ARHGEF26: variants seen among roughly 807,000 people sequenced by gnomAD.
The protein encoded by ARHGEF26 is Rho guanine nucleotide exchange factor 26.
A neutral mutation model predicts 89.4 loss-of-function variants in ARHGEF26; 59 were observed. That is an observed-to-expected ratio of 0.66 (90% CI 0.54 to 0.82). ARHGEF26 has a LOEUF of 0.82. Ranked by LOEUF, ARHGEF26 falls within the 40% of genes least tolerant of loss-of-function variation. The pLI, the probability that ARHGEF26 is intolerant of heterozygous loss-of-function variation, is 0.00. For missense variants in ARHGEF26, 1,234 were observed against 1,085.6 expected, an observed-to-expected ratio of 1.14 and a Z score of -1.92; for synonymous variants, 500 against 428.4, an observed-to-expected ratio of 1.17 and a Z score of -2.06.
intron 7 of ARHGEF26, among the ~76,000 whole-genome samples, chr3:154,190,392 C>G (rs889961717): frequency 6.6e-6 from 1 of 152,122 alleles, no homozygotes; most frequent in African/African-American, 2.4e-5. Context: ...ACCTGTAATC[C>G]CAGTTACTTG....
rs750466066 is a variant in ARHGEF26 at position 154,254,847 on chromosome 3, G to A, written c.2473+23G>A. 8 of 1,595,414 alleles carry A rather than the reference G, an allele frequency of 5.0e-6. No homozygotes were observed. In the South Asian group the frequency reaches 8.8e-5, roughly 18 times the overall value. ...ATGGTGAGTGGGAGCGTTCTTATGG[G>A]ACACTCGTGGTCCAGGATGCAGAGT... On this transcript the variant is annotated intron_variant, in intron 14 of 14. Transcript: ENST00000465093.
At chr3:154,167,226 C>T (rs1476437966) in intron 6 of ARHGEF26, among the ~76,000 whole-genome samples, 1 of 152,144 alleles carries the variant, frequency 6.6e-6, no homozygotes, top group African/African-American at 2.4e-5. Flanking sequence ...GATGAGAGCA[C>T]CTACTGTGTA....
intron 6 of ARHGEF26, among the ~76,000 whole-genome samples, chr3:154,175,659 G>A (rs895316052): frequency 6.6e-6 from 1 of 152,102 alleles, no homozygotes; most frequent in Non-Finnish European, 1.5e-5. Flanking sequence ...TTGTTTCAAA[G>A]ACCACTTTTG....
chr3:154,182,072 A>T (rs1056389534), intron 6 of ARHGEF26, among the ~76,000 whole-genome samples: 5 of 151,884 alleles, frequency 3.3e-5, no homozygotes, highest in African/African-American at 1.2e-4. Context: ...CACAATATAT[A>T]TATACACACA....
At position 154,187,790 on chromosome 3, in the gene ARHGEF26, A is replaced by ATAC; in HGVS notation, c.1595_1597dup (p.Tyr532dup). The stretch of plus-strand genomic sequence containing the variant: ...CATCCACATTTGACCCATATGTGAA[A>ATAC]TACTGCACAAATGAAGTCTACCAAC... On this transcript the variant is annotated inframe_insertion, in exon 7 of 15. Coordinates refer to ENST00000465093, the MANE Select transcript of ARHGEF26 (RefSeq NM_015595.4). The ATAC allele has an allele frequency of 1.2e-6, 2 of 1,611,472 alleles. No homozygotes were observed. Among genetic ancestry groups the ATAC allele is most frequent in the Non-Finnish European group, 1.7e-6 (2 of 1,178,502 alleles).
rs1450350689 is a variant in ARHGEF26 at position 154,216,781 on chromosome 3, G to A, written c.1846-1088G>A. Among the ~76,000 whole-genome samples, 6 of 68,926 alleles carry A rather than the reference G, an allele frequency of 8.7e-5. No homozygotes were observed. The East Asian group carries it at 1.4e-3, about 16-fold the overall frequency. 45.2% of individuals were successfully genotyped at this position (68,926 alleles called of 152,430 possible). Reference sequence around the variant, plus strand: ...TTCCCACCTATGAGTGAGAATACGCGGTGTTTGGTTTTTTGTTCTTGCGAT... The same window carrying A: ...TTCCCACCTATGAGTGAGAATACGCAGTGTTTGGTTTTTTGTTCTTGCGAT... On this transcript the variant is annotated intron_variant, in intron 9 of 14. Coordinates refer to ENST00000465093, the MANE Select transcript of ARHGEF26 (RefSeq NM_015595.4).
rs1718579525 is a variant in ARHGEF26 at position 154,257,231 on chromosome 3, T to TA, written c.*1762dup. ...TTGACCTGTGCATACCTTCTAATTGTAAAATATATTTCAGACCGTGAGTAC... is the reference window on the plus strand; with the variant it reads ...TTGACCTGTGCATACCTTCTAATTGTAAAAATATATTTCAGACCGTGAGTAC... On this transcript the variant is annotated 3_prime_UTR_variant, in exon 15 of 15. Coordinates refer to ENST00000465093, the MANE Select transcript of ARHGEF26 (RefSeq NM_015595.4). The TA allele has an allele frequency of 2.2e-5, 6 of 277,930 alleles. No homozygotes were observed. In the East Asian group the frequency reaches 3.8e-4, roughly 18 times the overall value. The allele number at this position is 277,930 out of a possible 1,614,324, so 17.2% of individuals were successfully genotyped here. A position where few individuals can be genotyped will look rare whatever the true frequency, so the allele number is the denominator to read the frequency against.
intron 6 of ARHGEF26, among the ~76,000 whole-genome samples, chr3:154,173,616 G>C (rs925156648): frequency 7.9e-5 from 12 of 152,148 alleles, no homozygotes; most frequent in Admixed American, 7.2e-4. Context: ...ATGAAAGCTG[G>C]CATTCTCTTC....
In ARHGEF26 at chr3:154,143,077, C is replaced by CT. The variant is rs948615155; in HGVS notation, c.1270-6306dup. On this transcript the variant is annotated intron_variant, in intron 4 of 14. Coordinates refer to ENST00000465093, the MANE Select transcript of ARHGEF26 (RefSeq NM_015595.4). ...CTTGTCTGCCCTACTCGTTTTGTTT[C>CT]TTTTTTGGGAGAGGATGTTGAAGTA... is the stretch of plus-strand genomic sequence containing the variant. Among the ~76,000 whole-genome samples, 99 of 152,178 alleles carry CT rather than the reference C, an allele frequency of 6.5e-4. 1 individual carries two copies. Among genetic ancestry groups the CT allele is most frequent in the African/African-American group, 2.3e-3 (95 of 41,548 alleles).
chr3:154,200,886 A>G (rs1276838075), intron 9 of ARHGEF26, among the ~76,000 whole-genome samples: 1 of 151,858 alleles, frequency 6.6e-6, no homozygotes, highest in Non-Finnish European at 1.5e-5. Flanking sequence ...TCTTTTTCAC[A>G]TTGTTCACTG....
chr3:154,244,655 TTATAA>T (rs1484607762), intron 12 of ARHGEF26, among the ~76,000 whole-genome samples: 10 of 151,898 alleles, frequency 6.6e-5, no homozygotes, highest in African/African-American at 2.4e-4. Flanking sequence ...TTATATATAA[TTATAA>T]TATTACATAA....
intron 9 of ARHGEF26, among the ~76,000 whole-genome samples, chr3:154,201,202 G>A (rs1282513431): frequency 2.1e-5 from 3 of 141,696 alleles, no homozygotes; most frequent in Non-Finnish European, 4.5e-5. Context: ...CCCTTCATGT[G>A]TCCATGTGTT....
chr3:154,141,601 T>C (rs1719389937), intron 4 of ARHGEF26, among the ~76,000 whole-genome samples: 1 of 152,190 alleles, frequency 6.6e-6, no homozygotes, highest in Non-Finnish European at 1.5e-5. Context: ...AATTTATACA[T>C]CATGGAGTGG....
intron 9 of ARHGEF26, among the ~76,000 whole-genome samples, chr3:154,209,538 C>G (rs538827692): frequency 1.2e-4 from 18 of 152,306 alleles, no homozygotes; most frequent in African/African-American, 4.3e-4. Flanking sequence ...GGTCTAAGAT[C>G]TGGAAGAATT....
Position 154,122,507 on chromosome 3 carries a change from C to T in ARHGEF26, c.515C>T (p.Ser172Leu), listed in dbSNP as rs773952535. 33 of 1,613,102 alleles carry T rather than the reference C, an allele frequency of 2.0e-5. No homozygotes were observed. Among genetic ancestry groups the T allele is most frequent in the Admixed American group, 6.7e-5 (4 of 59,976 alleles). Residue 172 changes from serine (S) to leucine (L), a missense_variant, in exon 2 of 15, where the codon TCG becomes TTG. By Grantham distance (145) the Ser-to-Leu change is moderately radical. Coordinates refer to ENST00000465093, the MANE Select transcript of ARHGEF26 (RefSeq NM_015595.4). ...LTGLTASPVP[S>L]PTANGLAANN... ...GGGTTGACTGCCAGCCCGGTGCCTT[C>T]GCCCACTGCAAATGGCCTTGCCGCT...
chr3:154,167,725 TG>T (rs1398414254), intron 6 of ARHGEF26, among the ~76,000 whole-genome samples: 1 of 152,224 alleles, frequency 6.6e-6, no homozygotes, highest in Non-Finnish European at 1.5e-5. Flanking sequence ...ATTTCTAGTT[TG>T]AATGCATAAT....
At chr3:154,166,488 T>G (rs1712047639) in intron 6 of ARHGEF26, among the ~76,000 whole-genome samples, 1 of 152,160 alleles carries the variant, frequency 6.6e-6, no homozygotes, top group Non-Finnish European at 1.5e-5. Context: ...GCAGAAAGCT[T>G]TATAAAGAAG....
intron 6 of ARHGEF26, among the ~76,000 whole-genome samples, chr3:154,173,095 A>G (rs1393427186): frequency 1.3e-5 from 2 of 152,206 alleles, no homozygotes; most frequent in Non-Finnish European, 2.9e-5. Flanking sequence ...TAGTATATTC[A>G]GTCAAGTACT....
chr3:154,139,669 C>T (rs1719238887), intron 4 of ARHGEF26, among the ~76,000 whole-genome samples: 1 of 152,098 alleles, frequency 6.6e-6, no homozygotes, highest in South Asian at 2.1e-4. Context: ...AGTGGTTGGT[C>T]TCCATGATGA....
Sources: gnomAD v4.1 joint callset for allele counts (sites outside exome capture counted in the v4.1 genomes callset) on GRCh38, gnomAD v4.1.1 for gene constraint, MANE v1.5 for transcripts, NCBI Gene and HGNC (gene_info 2026-07-23, HGNC 2026-07-21) for gene names.